Variants in PTPRT observed in about 807,000 individuals in gnomAD.
PTPRT encodes the protein receptor-type tyrosine-protein phosphatase T.
Under a neutral mutation model 176.8 loss-of-function variants are expected in PTPRT, and 56 were observed. The observed-to-expected ratio is 0.32, with a 90% confidence interval of 0.26 to 0.40. PTPRT has a LOEUF of 0.40. Ranked by LOEUF, PTPRT falls within the 10% of genes least tolerant of loss-of-function variation. PTPRT has a pLI of 1.00. For synonymous variants in PTPRT, 783 were observed against 739.0 expected (o/e 1.06, Z -0.96); for missense variants, 1,540 against 1,908.2 (o/e 0.81, Z 3.60).
intron 7 of PTPRT, among the ~76,000 whole-genome samples, chr20:42,664,550 C>T (rs1052565591): frequency 2.0e-5 from 3 of 152,080 alleles, no homozygotes; most frequent in Admixed American, 6.5e-5. Flanking sequence ...GTAATATATG[C>T]AATAAATTCT....
chr20:42,868,650 T>C (rs1407111512), intron 2 of PTPRT, among the ~76,000 whole-genome samples: 3 of 152,174 alleles, frequency 2.0e-5, no homozygotes, highest in Non-Finnish European at 4.4e-5. Context: ...GCTGAGTCAA[T>C]GTTTGATAAA....
At chr20:43,044,471 T>G (rs1986755009) in intron 1 of PTPRT, among the ~76,000 whole-genome samples, 1 of 152,160 alleles carries the variant, frequency 6.6e-6, no homozygotes, top group East Asian at 1.9e-4. Context: ...CAGTACATTT[T>G]AAGGTCCTCA....
At chr20:42,963,913 G>T (rs1416014099) in intron 1 of PTPRT, among the ~76,000 whole-genome samples, 2 of 152,252 alleles carry the variant, frequency 1.3e-5, no homozygotes, top group African/African-American at 4.8e-5. Context: ...AGCTCTCTAA[G>T]GGCCAAACAG....
chr20:42,742,145 T>C (rs973263), intron 6 of PTPRT, among the ~76,000 whole-genome samples: 104,413 of 151,518 alleles, frequency 0.69, 36,175 homozygotes, highest in East Asian at 0.86. Flanking sequence ...TGTGGGTAGA[T>C]ACAATCAGCT....
chr20:42,497,650 C>T (rs1471179087), intron 7 of PTPRT, among the ~76,000 whole-genome samples: 1 of 152,146 alleles, frequency 6.6e-6, no homozygotes, highest in East Asian at 1.9e-4. Context: ...GCTGGCATTA[C>T]ATACCCCAGC....
intron 12 of PTPRT, among the ~76,000 whole-genome samples, chr20:42,303,325 G>T (rs1478931030): frequency 1.3e-5 from 2 of 152,164 alleles, no homozygotes; most frequent in African/African-American, 2.4e-5. Flanking sequence ...TGATGTTAAT[G>T]GCAGGGCCAG....
intron 1 of PTPRT, among the ~76,000 whole-genome samples, chr20:43,141,993 G>A (rs1386172004): frequency 1.3e-5 from 2 of 152,138 alleles, no homozygotes. Flanking sequence ...CATGCGACGT[G>A]GAGTACAGAA....
rs141168077 is a variant in PTPRT at position 42,364,462 on chromosome 20, G to A, written c.1561-12177C>T. Among the ~76,000 whole-genome samples, 219 of 152,228 alleles carry A rather than the reference G, an allele frequency of 1.4e-3. 1 individual carries two copies. Among genetic ancestry groups the A allele is most frequent in the African/African-American group, 5.1e-3 (211 of 41,526 alleles). ...TATTCGCCCCTACTTACTATGAGAA[G>A]GTTTTGTAAAGCCTATTTTTTTTTG... is the stretch of plus-strand genomic sequence containing the variant. On this transcript the variant is annotated intron_variant, in intron 9 of 30. Coordinates refer to ENST00000373187, the MANE Select transcript of PTPRT (RefSeq NM_007050.6).
At position 42,073,035 on chromosome 20, in the gene PTPRT, C is replaced by A; in HGVS notation, c.*7844G>T. The A allele has an allele frequency of 4.5e-6, 1 of 221,196 alleles. No homozygotes were observed. The highest frequency in any genetic ancestry group is 6.6e-5 in the East Asian group (1 of 15,158). 13.7% of individuals were successfully genotyped at this position (221,196 alleles called of 1,614,324 possible). A position where few individuals can be genotyped will look rare whatever the true frequency, so the allele number is the denominator to read the frequency against. On this transcript the variant is annotated 3_prime_UTR_variant, in exon 31 of 31. Transcript: ENST00000373187. ...TTAAAAAGTTGATTTATTTTGTTTT[C>A]TCTTCTCATACGTGCTTTATCTATC...
chr20:43,138,850 C>T (rs2013916087), intron 1 of PTPRT, among the ~76,000 whole-genome samples: 1 of 152,160 alleles, frequency 6.6e-6, no homozygotes, highest in South Asian at 2.1e-4. Flanking sequence ...GAAACCAAAC[C>T]ACAACCAGGT....
intron 1 of PTPRT, among the ~76,000 whole-genome samples, chr20:43,067,296 CG>C (rs1349738283): frequency 9.9e-5 from 15 of 152,032 alleles, no homozygotes; most frequent in Admixed American, 9.8e-4. Flanking sequence ...AGAACGCAGA[CG>C]GGTGGTTGCC....
chr20:42,728,674 C>T (rs761214881), intron 6 of PTPRT, among the ~76,000 whole-genome samples: 1 of 152,194 alleles, frequency 6.6e-6, no homozygotes, highest in Non-Finnish European at 1.5e-5. Context: ...GAAAAGGTAT[C>T]GCAGCCAAAG....
chr20:42,569,450 A>G (rs1601289485), intron 7 of PTPRT, among the ~76,000 whole-genome samples: 1 of 152,288 alleles, frequency 6.6e-6, no homozygotes, highest in African/African-American at 2.4e-5. Context: ...AAAGTCATAC[A>G]AAATTTGGGG....
intron 13 of PTPRT, among the ~76,000 whole-genome samples, chr20:42,261,597 T>C (rs1179526425): frequency 6.6e-6 from 1 of 152,058 alleles, no homozygotes; most frequent in African/African-American, 2.4e-5. Context: ...CACAGCCAAA[T>C]GGACAGGCAG....
At chr20:42,098,095 G>A (rs182055498) in intron 27 of PTPRT, among the ~76,000 whole-genome samples, 1 of 152,328 alleles carries the variant, frequency 6.6e-6, no homozygotes, top group African/African-American at 2.4e-5. Context: ...AGTGCTGGGG[G>A]AGGAAGCCTC....
chr20:42,582,112 G>A (rs938341989), intron 7 of PTPRT, among the ~76,000 whole-genome samples: 6 of 152,044 alleles, frequency 3.9e-5, no homozygotes, highest in African/African-American at 7.2e-5. Context: ...GAGTGTCAGC[G>A]CAGCCCTCTT....
At chr20:42,457,254 T>C (rs2070940301) in intron 8 of PTPRT, among the ~76,000 whole-genome samples, 1 of 152,182 alleles carries the variant, frequency 6.6e-6, no homozygotes, top group Admixed American at 6.5e-5. Context: ...TAAATAAGAA[T>C]AATAAATAGT....
rs558141108 is a variant in PTPRT, at chr20:43,004,992, G to T, written c.89-119060C>A. 1.5e-3 allele frequency among the ~76,000 whole-genome samples: 228 copies of T among 152,228 alleles called. 1 individual carries two copies. Among genetic ancestry groups the T allele is most frequent in the Middle Eastern group, 6.8e-3 (2 of 294 alleles). ...ATCACTCAAAGCTTCCTGAAAGACAGATCCAAGGCTGCCTATGTGTCTCTG... is the reference window on the plus strand; with the variant it reads ...ATCACTCAAAGCTTCCTGAAAGACATATCCAAGGCTGCCTATGTGTCTCTG... On this transcript the variant is annotated intron_variant, in intron 1 of 30. Transcript: ENST00000373187.
chr20:42,523,859 G>T (rs1255536803), intron 7 of PTPRT, among the ~76,000 whole-genome samples: 1 of 151,974 alleles, frequency 6.6e-6, no homozygotes. Flanking sequence ...AGTGACATGT[G>T]CCTACAGTTC....
Sources: gnomAD v4.1 joint callset for allele counts (sites outside exome capture counted in the v4.1 genomes callset) on GRCh38, gnomAD v4.1.1 for gene constraint, MANE v1.5 for transcripts, NCBI Gene and HGNC (gene_info 2026-07-23, HGNC 2026-07-21) for gene names.